The following ZKSCAN1 variants were observed in gnomAD, a reference collection of about 807,000 sequenced individuals.
ZKSCAN1 encodes zinc finger with KRAB and SCAN domains 1, also known as zinc finger protein with KRAB and SCAN domains 1.
ZKSCAN1 carries 14 observed loss-of-function variants against 51.6 expected under a neutral mutation model. The ratio of observed to expected loss-of-function variants is 0.27; its 90% confidence interval spans 0.18 to 0.42. The LOEUF (loss-of-function observed/expected upper bound fraction) is 0.42. ZKSCAN1 is among the 10% of genes least tolerant of loss of function. ZKSCAN1 has a pLI of 1.00. For missense variants in ZKSCAN1, 531 were observed against 710.0 expected, an observed-to-expected ratio of 0.75 and a Z score of 2.86; for synonymous variants, 263 against 261.5, an observed-to-expected ratio of 1.01 and a Z score of -0.06.
chr7:100,044,371 T>C (rs1344894312), downstream of ZKSCAN1, among the ~76,000 whole-genome samples: 1 of 151,916 alleles, frequency 6.6e-6, no homozygotes, highest in African/African-American at 2.4e-5. Context: ...TACCATGCTT[T>C]AACAAGTAGC....
intron 3 of ZKSCAN1, among the ~76,000 whole-genome samples, chr7:100,029,183 AAAAAAAC>A (rs1790986770): frequency 9.2e-6 from 1 of 108,400 alleles, no homozygotes; most frequent in Non-Finnish European, 2.0e-5. Flanking sequence ...AAAAAAAAAA[AAAAAAAC>A]TTACCCAGAG....
At position 100,030,950 on chromosome 7, in the gene ZKSCAN1, A is replaced by G. The variant is rs964253962; in HGVS notation, c.799+575A>G. On this transcript the variant is annotated intron_variant, in intron 5 of 5. Coordinates refer to ENST00000324306, the MANE Select transcript of ZKSCAN1 (RefSeq NM_003439.4). ...CTTCCAAACTTAATGGTGATTTTCT[A>G]TGAAGAGCTCTGGGTCCTGGATGTG... 4.6e-5 allele frequency among the ~76,000 whole-genome samples: 7 copies of G among 152,310 alleles called. No individual in the cohort carries two copies. In the East Asian group the frequency reaches 9.6e-4, roughly 21 times the overall value.
At chr7:100,016,638 T>G (rs1187244965) in intron 1 of ZKSCAN1, among the ~76,000 whole-genome samples, 1 of 152,194 alleles carries the variant, frequency 6.6e-6, no homozygotes, top group African/African-American at 2.4e-5. Flanking sequence ...ACAGTTTAGC[T>G]TGACACTCCT....
rs1791418523 is a variant in ZKSCAN1 at position 100,037,616 on chromosome 7, T to C, written c.*3419T>C. ...TTATACTGTAAATAAACTTGATGAA[T>C]ATTATATGTGAGGAAAACTTTCATG... On this transcript the variant is annotated 3_prime_UTR_variant, in exon 6 of 6. Transcript: ENST00000324306. 2 of 985,458 alleles carry C rather than the reference T, an allele frequency of 2.0e-6. No homozygotes were observed. The highest frequency in any genetic ancestry group is 3.5e-5 in the African/African-American group (2 of 57,366). 61.0% of individuals were successfully genotyped at this position (985,458 alleles called of 1,614,324 possible).
At chr7:100,026,733 AAAAT>A (rs1285448721) in intron 3 of ZKSCAN1, among the ~76,000 whole-genome samples, 8 of 152,112 alleles carry the variant, frequency 5.3e-5, no homozygotes, top group African/African-American at 1.2e-4. Context: ...TCAGAAAAAA[AAAAT>A]AAATAAATAA....
intron 3 of ZKSCAN1, among the ~76,000 whole-genome samples, chr7:100,026,724 C>G (rs1378520885): frequency 6.8e-6 from 1 of 147,546 alleles, no homozygotes; most frequent in Non-Finnish European, 1.5e-5. Flanking sequence ...GACTCTGTCT[C>G]AGAAAAAAAA....
chr7:100,023,999 T>C lies in ZKSCAN1; in HGVS notation c.426+67T>C, dbSNP rs554505107. The C allele has an allele frequency of 1.4e-5, 21 of 1,524,226 alleles. No individual in the cohort carries two copies. In the African/African-American group the frequency reaches 1.7e-4, roughly 12 times the overall value. The allele number at this position is 1,524,226 out of a possible 1,614,324, so 94.4% of individuals were successfully genotyped here. A position where few individuals can be genotyped will look rare whatever the true frequency, so the allele number is the denominator to read the frequency against. On this transcript the variant is annotated intron_variant, in intron 2 of 5. Transcript: ENST00000324306. ...ACGTTGAAACTGGAGCCAGGAGAAG[T>C]ATTGGCAGGCTTTAGGTTATTAGGT...
At position 100,033,077 on chromosome 7, in the gene ZKSCAN1, C is replaced by T. The variant is rs1184229598; in HGVS notation, c.800-228C>T. Among the ~76,000 whole-genome samples, 1 of 151,796 alleles carries T rather than the reference C, an allele frequency of 6.6e-6. No homozygotes were observed. The highest frequency in any genetic ancestry group is 1.5e-5 in the Non-Finnish European group (1 of 67,984). ...GTCCCAGCTACTTGGGAGGCTGAGG[C>T]AGGAGAATCACTTGAACCTGGGAGG... is the stretch of plus-strand genomic sequence containing the variant. On this transcript the variant is annotated intron_variant, in intron 5 of 5. Coordinates refer to ENST00000324306, the MANE Select transcript of ZKSCAN1 (RefSeq NM_003439.4). The surrounding 1 kb of genome is among the most constrained non-coding windows in gnomAD (Gnocchi z 4.1).
At position 100,023,482 on chromosome 7, in the gene ZKSCAN1, G is replaced by T. The variant is rs754643080; in HGVS notation, c.-25G>T. On this transcript the variant is annotated 5_prime_UTR_variant, in exon 2 of 6. Coordinates refer to ENST00000324306, the MANE Select transcript of ZKSCAN1 (RefSeq NM_003439.4). Reference sequence around the variant, plus strand: ...TAAAGGTGAGCACAGACCCTGTTTGGATCAAGTCAGTTCCTGGAGCCTGAA... The same window carrying T: ...TAAAGGTGAGCACAGACCCTGTTTGTATCAAGTCAGTTCCTGGAGCCTGAA... 1 of 1,593,474 alleles carries T rather than the reference G, an allele frequency of 6.3e-7. No individual in the cohort carries two copies. Among genetic ancestry groups the T allele is most frequent in the Non-Finnish European group, 8.5e-7 (1 of 1,170,938 alleles).
intron 1 of ZKSCAN1, among the ~76,000 whole-genome samples, chr7:100,020,170 C>A (rs904427503): frequency 6.6e-6 from 1 of 152,050 alleles, no homozygotes; most frequent in African/African-American, 2.4e-5. Flanking sequence ...AGGCAAGTCG[C>A]GTTTTAGCTA....
At chr7:100,044,862 A>T (rs1481565354), downstream of ZKSCAN1, 5 of 985,192 alleles carry the variant, frequency 5.1e-6, no homozygotes, top group Non-Finnish European at 6.0e-6. Flanking sequence ...CGGAGTTGTC[A>T]TGCGCCAGAG....
rs375653360 is a variant in ZKSCAN1 at position 100,033,837 on chromosome 7, C to T, written c.1332C>T (p.His444=). Reference sequence around the variant, plus strand: ...ACGAGTGTGGCAAGGCCTTCAGCCACAGTTCCAATCTCATCCTCCATCAGC... The same window carrying T: ...ACGAGTGTGGCAAGGCCTTCAGCCATAGTTCCAATCTCATCCTCCATCAGC... The part of the protein sequence containing the change: ...ECNECGKAFS[H]SSNLILHQRI... Residue 444 remains histidine (H), a synonymous_variant, in exon 6 of 6, where the codon CAC becomes CAT. Transcript: ENST00000324306. This position sits in a 1 kb window ranked among gnomAD's most constrained non-coding sequence, Gnocchi z 4.1. 86 of 1,614,090 alleles carry T rather than the reference C, an allele frequency of 5.3e-5. No individual in the cohort carries two copies. The highest frequency in any genetic ancestry group is 6.7e-5 in the Non-Finnish European group (79 of 1,180,052).
Position 100,024,290 on chromosome 7 carries a change from G to C in ZKSCAN1, c.563G>C (p.Arg188Pro). 1 of 1,613,944 alleles carries C rather than the reference G, an allele frequency of 6.2e-7. No homozygotes were observed. Among genetic ancestry groups the C allele is most frequent in the Non-Finnish European group, 8.5e-7 (1 of 1,180,010 alleles). ...SHFKHSSRKP[R>P]LLQSRALPAA... ...TTCAAACATTCGTCTCGGAAACCCC[G>C]CCTCTTACAGTCACGAGGTAAGAAG... Residue 188 changes from arginine (R) to proline (P), a missense_variant, in exon 3 of 6, where the codon CGC (arginine) becomes CCC (proline). By Grantham distance (103) the Arg-to-Pro change is moderately radical. Transcript: ENST00000324306.
intron 2 of ZKSCAN1, 57 bp downstream of exon 2, chr7:100,023,989 C>G (rs536266611): frequency 6.6e-7 from 1 of 1,524,548 alleles, no homozygotes; most frequent in African/African-American, 1.4e-5. Flanking sequence ...GAAACTGGAG[C>G]CAGGAGAAGT....
At chr7:100,025,914 G>A (rs889672912) in intron 3 of ZKSCAN1, among the ~76,000 whole-genome samples, 28 of 151,798 alleles carry the variant, frequency 1.8e-4, no homozygotes, top group Admixed American at 1.3e-3. Context: ...GTTAAAACCC[G>A]GTCTCTACTG....
At chr7:100,021,622 T>TC (rs1283980329) in intron 1 of ZKSCAN1, among the ~76,000 whole-genome samples, 1 of 152,194 alleles carries the variant, frequency 6.6e-6, no homozygotes, top group East Asian at 1.9e-4. Context: ...GGTTTTTACC[T>TC]CCTAATGTGG....
rs1208692176 is a variant in ZKSCAN1 at position 100,033,031 on chromosome 7, G to A, written c.800-274G>A. On this transcript the variant is annotated intron_variant, in intron 5 of 5. Coordinates refer to ENST00000324306, the MANE Select transcript of ZKSCAN1 (RefSeq NM_003439.4). The surrounding 1 kb of genome is among the most constrained non-coding windows in gnomAD (Gnocchi z 4.1). ...TCAAAAAAAAAAAAAAGTTACCCGG[G>A]CGTGGTAGCATGCACCTATAGTCCC... Among the ~76,000 whole-genome samples the A allele has an allele frequency of 6.6e-6, 1 of 151,578 alleles. No homozygotes were observed. Among genetic ancestry groups the A allele is most frequent in the Non-Finnish European group, 1.5e-5 (1 of 67,904 alleles).
At chr7:100,027,745 C>A (rs1195372400) in intron 3 of ZKSCAN1, among the ~76,000 whole-genome samples, 1 of 130,958 alleles carries the variant, frequency 7.6e-6, no homozygotes, top group Non-Finnish European at 1.6e-5. Flanking sequence ...GAGATGCTGT[C>A]TCAAAAAAAA....
At position 100,041,388 on chromosome 7, in the gene ZKSCAN1, A is replaced by G; in HGVS notation, c.*7191A>G. The G allele has an allele frequency of 3.6e-5, 35 of 985,250 alleles. No homozygotes were observed. The highest frequency in any genetic ancestry group is 4.0e-5 in the Non-Finnish European group (33 of 829,748). 61.0% of individuals were successfully genotyped at this position (985,250 alleles called of 1,614,324 possible). On this transcript the variant is annotated 3_prime_UTR_variant, in exon 6 of 6. Transcript: ENST00000324306. ...AACATTTCTAGAAAGACTTCTTTCA[A>G]TAAATAATGGAATCTTAGAGGAAAA...
Sources: gnomAD v4.1 joint callset for allele counts (sites outside exome capture counted in the v4.1 genomes callset) on GRCh38, gnomAD v4.1.1 for gene constraint, Gnocchi (gnomAD v3.1) non-coding constraint, MANE v1.5 for transcripts, NCBI Gene and HGNC (gene_info 2026-07-23, HGNC 2026-07-21) for gene names.